Variants in PTPRN2 observed in about 807,000 individuals in gnomAD.
PTPRN2 encodes receptor-type tyrosine-protein phosphatase N2.
Under a neutral mutation model 118.8 loss-of-function variants are expected in PTPRN2, and 74 were observed. The observed-to-expected ratio is 0.62, with a 90% CI of 0.52 to 0.76. PTPRN2 has a LOEUF of 0.76. Ranked by LOEUF, PTPRN2 falls within the 30% of genes least tolerant of loss-of-function variation. The probability of loss-of-function intolerance (pLI) is 0.00; values close to 1 mark genes in which losing one functional copy is unlikely to be tolerated. For synonymous variants in PTPRN2, 641 were observed against 608.0 expected (o/e 1.05, Z -0.80); for missense variants, 1,481 against 1,394.4 (o/e 1.06, Z -0.99).
At position 157,603,910 on chromosome 7, in the gene PTPRN2, C is replaced by T. The variant is rs566367892; in HGVS notation, c.2418+92G>A. Reference sequence around the variant, plus strand: ...GCAGAGACGCTGAGCTGGGTGGGGACGTGATTTCCCCCGAGAACCTTCCCA... The same window carrying T: ...GCAGAGACGCTGAGCTGGGTGGGGATGTGATTTCCCCCGAGAACCTTCCCA... On this transcript the variant is annotated intron_variant, in intron 16 of 22. Coordinates refer to ENST00000389418, the MANE Select transcript of PTPRN2 (RefSeq NM_002847.5). This position sits in a 1 kb window ranked among gnomAD's most constrained non-coding sequence, Gnocchi z 5.4. The T allele has an allele frequency of 4.2e-4, 519 of 1,235,784 alleles. No homozygotes were observed. Among genetic ancestry groups the T allele is most frequent in the Admixed American group, 9.8e-4 (53 of 54,182 alleles). 76.6% of individuals were successfully genotyped at this position (1,235,784 alleles called of 1,614,324 possible). A position where few individuals can be genotyped will look rare whatever the true frequency, so the allele number is the denominator to read the frequency against.
At chr7:157,572,835 G>C (rs1799826756) in intron 19 of PTPRN2, among the ~76,000 whole-genome samples, 1 of 152,240 alleles carries the variant, frequency 6.6e-6, no homozygotes, top group South Asian at 2.1e-4. Context: ...AAAATGGGCG[G>C]GCTCAGACAC....
rs1184987034 is a variant in PTPRN2, at chr7:158,412,099, CT to C, written c.163+77635del. Among the ~76,000 whole-genome samples, 445 of 135,408 alleles carry C rather than the reference CT, an allele frequency of 3.3e-3. 2 individuals carry two copies. The highest frequency in any genetic ancestry group is 5.2e-3 in the Non-Finnish European group (321 of 62,316). 88.8% of individuals were successfully genotyped at this position (135,408 alleles called of 152,430 possible). On this transcript the variant is annotated intron_variant, in intron 2 of 22. Transcript: ENST00000389418. The stretch of plus-strand genomic sequence containing the variant: ...CACCCTCCTTAGCACCAGGGCCCAT[CT>C]CAGCACCCTCCTCAACACCAGGGCC...
chr7:158,434,753 T>C (rs1424616077), intron 2 of PTPRN2, among the ~76,000 whole-genome samples: 1 of 152,194 alleles, frequency 6.6e-6, no homozygotes. Context: ...CTGGATGGAG[T>C]ATTTTTATTA....
chr7:158,338,292 C>T (rs1414211104), intron 2 of PTPRN2, among the ~76,000 whole-genome samples: 8 of 67,446 alleles, frequency 1.2e-4, no homozygotes, highest in African/African-American at 2.1e-4. Flanking sequence ...CACCTGCTGA[C>T]GTCACTCACA....
At chr7:158,264,854 C>T (rs1358735019) in intron 3 of PTPRN2, among the ~76,000 whole-genome samples, 2 of 152,196 alleles carry the variant, frequency 1.3e-5, no homozygotes, top group African/African-American at 4.8e-5. Flanking sequence ...TCCTTGCTGG[C>T]ACTTTCCTTG....
chr7:157,843,713 C>T (rs574288775), intron 12 of PTPRN2, among the ~76,000 whole-genome samples: 6 of 152,348 alleles, frequency 3.9e-5, no homozygotes, highest in African/African-American at 1.4e-4. Context: ...TTCTTTCCAG[C>T]GTGCCACACA....
At chr7:157,898,612 T>G in intron 12 of PTPRN2, 61 bp downstream of exon 12, 1 of 1,482,156 alleles carries the variant, frequency 6.7e-7, no homozygotes, top group Non-Finnish European at 9.4e-7. Flanking sequence ...CTCACGGTGT[T>G]CGCCAGCACC....
intron 12 of PTPRN2, among the ~76,000 whole-genome samples, chr7:157,768,319 G>A (rs149388198): frequency 1.1e-4 from 17 of 152,324 alleles, no homozygotes; most frequent in South Asian, 8.3e-4. Flanking sequence ...GCTCATCTGC[G>A]TTCGGCTGTG....
At position 157,831,012 on chromosome 7, in the gene PTPRN2, C is replaced by A. The variant is rs1807527483; in HGVS notation, c.1788+67661G>T. Among the ~76,000 whole-genome samples the A allele has an allele frequency of 6.6e-6, 1 of 152,196 alleles. No homozygotes were observed. Among genetic ancestry groups the A allele is most frequent in the South Asian group, 2.1e-4 (1 of 4,834 alleles). On this transcript the variant is annotated intron_variant, in intron 12 of 22. Coordinates refer to ENST00000389418, the MANE Select transcript of PTPRN2 (RefSeq NM_002847.5). The surrounding 1 kb of genome is among the most constrained non-coding windows in gnomAD (Gnocchi z 4.8). ...TCCATCCAGACACACAGGTAAATGACAGAGTTGCAGGCATGACTGAGAGCT... is the reference window on the plus strand; with the variant it reads ...TCCATCCAGACACACAGGTAAATGAAAGAGTTGCAGGCATGACTGAGAGCT...
intron 12 of PTPRN2, among the ~76,000 whole-genome samples, chr7:157,707,845 C>T (rs1798411489): frequency 6.6e-6 from 1 of 152,190 alleles, no homozygotes; most frequent in Non-Finnish European, 1.5e-5. Context: ...TCGCCTTGGC[C>T]CCCAAAGTGC....
At chr7:158,169,417 AGTGTGTGTGT>A (rs375257745) in intron 5 of PTPRN2, among the ~76,000 whole-genome samples, 91 of 136,628 alleles carry the variant, frequency 6.7e-4, no homozygotes, top group East Asian at 2.9e-3. Context: ...TGCTTTTGTG[AGTGTGTGTGT>A]GTGTGTGTGT....
At chr7:158,048,596 C>T (rs1482283768) in intron 11 of PTPRN2, among the ~76,000 whole-genome samples, 2 of 122,992 alleles carry the variant, frequency 1.6e-5, no homozygotes, top group African/African-American at 5.7e-5. Context: ...ATCATCATCA[C>T]TATCATCATC....
intron 11 of PTPRN2, among the ~76,000 whole-genome samples, chr7:157,966,519 TCAC>T (rs1389714858): frequency 6.6e-6 from 1 of 151,958 alleles, no homozygotes; most frequent in African/African-American, 2.4e-5. Flanking sequence ...ATCATCTTCA[TCAC>T]CACCATCATC....
intron 12 of PTPRN2, among the ~76,000 whole-genome samples, chr7:157,782,177 G>A (rs543317241): frequency 5.2e-5 from 8 of 152,382 alleles, no homozygotes; most frequent in African/African-American, 1.9e-4. Flanking sequence ...CCCATGCTGA[G>A]GGGCGGCCAC....
chr7:158,428,480 T>A (rs1030995666), intron 2 of PTPRN2, among the ~76,000 whole-genome samples: 1 of 152,246 alleles, frequency 6.6e-6, no homozygotes, highest in Non-Finnish European at 1.5e-5. Flanking sequence ...AAACGGCTGC[T>A]GGCATTGGCT....
chr7:158,295,750 G>A (rs994002264), intron 3 of PTPRN2, among the ~76,000 whole-genome samples: 5 of 151,052 alleles, frequency 3.3e-5, no homozygotes, highest in African/African-American at 1.2e-4. Context: ...CTGCCTGTCT[G>A]CCCAAACACT....
intron 2 of PTPRN2, among the ~76,000 whole-genome samples, chr7:158,386,116 A>C (rs1286552252): frequency 2.1e-4 from 11 of 52,096 alleles, no homozygotes; most frequent in South Asian, 6.8e-4. Flanking sequence ...TCCCATGCCC[A>C]GAGTCCCTCC....
At chr7:157,703,532 C>T (rs562505714) in intron 12 of PTPRN2, among the ~76,000 whole-genome samples, 20 of 152,310 alleles carry the variant, frequency 1.3e-4, no homozygotes, top group Admixed American at 1.0e-3. Flanking sequence ...CGGGATAACT[C>T]GCTGTGCAGT....
chr7:158,282,786 C>T (rs541785991), intron 3 of PTPRN2, among the ~76,000 whole-genome samples: 76 of 148,778 alleles, frequency 5.1e-4, no homozygotes, highest in East Asian at 1.2e-3. Context: ...ACACAGCAGC[C>T]GGACAGACAG....
Sources: allele counts gnomAD v4.1 joint callset (sites outside exome capture counted in the v4.1 genomes callset), GRCh38; gene constraint gnomAD v4.1.1; non-coding constraint Gnocchi (gnomAD v3.1); transcripts MANE v1.5; gene names NCBI Gene and HGNC (gene_info 2026-07-23, HGNC 2026-07-21).